OTC: variants seen among roughly 807,000 people sequenced by gnomAD.
OTC encodes the protein ornithine transcarbamylase, mitochondrial.
In OTC, 3 loss-of-function variants were observed where a neutral mutation model predicts 30.3. That is an observed-to-expected ratio of 0.10 (90% CI 0.05 to 0.26). The LOEUF is 0.26. Among genes scored for constraint, OTC ranks in the 10% least tolerant of loss-of-function variants. The pLI is 1.00. For missense variants in OTC, 194 were observed against 260.3 expected (o/e 0.75, Z 1.75); for synonymous variants, 111 against 99.7 (o/e 1.11, Z -0.67).
At chrX:38,410,303 T>C (rs1173461628) in intron 8 of OTC, among the ~76,000 whole-genome samples, 1 of 111,802 alleles carries the variant, frequency 8.9e-6, no homozygotes, top group Non-Finnish European at 1.9e-5. Flanking sequence ...GAGAGGAATT[T>C]TGGGGTGAAG....
intron 6 of OTC, among the ~76,000 whole-genome samples, chrX:38,407,335 G>A (rs1418105961): frequency 8.9e-6 from 1 of 112,432 alleles, no homozygotes; most frequent in Non-Finnish European, 1.9e-5. Context: ...GCTGAAAGCC[G>A]TCTTCTGGCA....
chrX:38,351,427 G>A (rs1470382528), upstream of OTC, among the ~76,000 whole-genome samples: 2 of 111,173 alleles, frequency 1.8e-5, no homozygotes, highest in African/African-American at 3.3e-5. Flanking sequence ...CCGCTTCTTC[G>A]AAGCCAGACA....
At chrX:38,363,846 C>G (rs1036645265) in intron 1 of OTC, among the ~76,000 whole-genome samples, 2 of 111,148 alleles carry the variant, frequency 1.8e-5, no homozygotes, top group Non-Finnish European at 3.8e-5. Flanking sequence ...GGTTCTTTGC[C>G]GGGCGTGGTG....
chrX:38,332,504 T>TATATATATATATATATA, the OTC span, among the ~76,000 whole-genome samples: 59 of 39,345 alleles, frequency 1.5e-3, no homozygotes, highest in African/African-American at 4.8e-3. Flanking sequence ...GCCCTAGATT[T>TATATATATATATATATA]TATATATATA....
chrX:38,333,147 G>A, the OTC span, among the ~76,000 whole-genome samples: 6 of 106,543 alleles, frequency 5.6e-5, no homozygotes, highest in Non-Finnish European at 9.7e-5. Context: ...CTCGGGAGGC[G>A]GAGGTTGGAG....
chrX:38,355,535 G>T (rs751433788), intron 1 of OTC, among the ~76,000 whole-genome samples: 13 of 112,214 alleles, frequency 1.2e-4, no homozygotes, highest in Non-Finnish European at 2.1e-4. Flanking sequence ...GGAGCCAGAG[G>T]TGACTAGTTT....
chrX:38,337,759 A>G, the OTC span, among the ~76,000 whole-genome samples: 1 of 111,433 alleles, frequency 9.0e-6, no homozygotes, highest in African/African-American at 3.3e-5. Context: ...AATTTTTTCC[A>G]TTATAAACTA....
intron 1 of OTC, 90 bp from the exon 2 acceptor site, chrX:38,367,201 A>T: frequency 1.3e-6 from 1 of 759,150 alleles, no homozygotes; most frequent in Non-Finnish European, 1.9e-6. Context: ...AAAGAAAAGA[A>T]TGCCTTATCA....
At chrX:38,391,110 A>G (rs1355463557) in intron 4 of OTC, among the ~76,000 whole-genome samples, 5 of 110,717 alleles carry the variant, frequency 4.5e-5, no homozygotes, top group African/African-American at 1.6e-4. Context: ...CCCTGCATAA[A>G]TCATCCCATC....
upstream of OTC, among the ~76,000 whole-genome samples, chrX:38,348,049 C>G (rs760931830): frequency 8.9e-6 from 1 of 112,281 alleles, no homozygotes; most frequent in Non-Finnish European, 1.9e-5. Context: ...GAATTTTATT[C>G]TCAGTAATAG....
rs974781638 is a variant in OTC, at chrX:38,420,929, C to G, written c.1006-94C>G. 3.4e-5 allele frequency: 21 copies of G among 611,385 alleles called. No individual in the cohort carries two copies. The African/African-American group carries it at 4.4e-4, about 13-fold the overall frequency. The allele number at this position is 611,385 out of a possible 1,213,427, so 50.4% of individuals were successfully genotyped here. On this transcript the variant is annotated intron_variant, in intron 9 of 9. Transcript: ENST00000039007. ...GAGAAAACACATTTTAACTGTAACC[C>G]TGCAAAGCTGAAACCTAATTCACCT...
chrX:38,415,624 A>AG (rs1194749369), intron 9 of OTC, among the ~76,000 whole-genome samples: 3 of 110,621 alleles, frequency 2.7e-5, no homozygotes, highest in African/African-American at 9.9e-5. Flanking sequence ...AGGCTGAGAC[A>AG]GGGGGATTAC....
intron 3 of OTC, among the ~76,000 whole-genome samples, chrX:38,379,943 G>A (rs2068367709): frequency 1.8e-5 from 2 of 112,018 alleles, no homozygotes; most frequent in Admixed American, 1.9e-4. Flanking sequence ...TTAGCATAAT[G>A]AGCATACCAA....
At chrX:38,340,479 T>G in the OTC span, among the ~76,000 whole-genome samples, 24 of 104,586 alleles carry the variant, frequency 2.3e-4, no homozygotes, top group African/African-American at 7.3e-4. Flanking sequence ...TTTTGTTTTT[T>G]TTTTTTTTTG....
the OTC span, among the ~76,000 whole-genome samples, chrX:38,341,962 TTTA>T: frequency 3.7e-5 from 4 of 108,784 alleles, no homozygotes; most frequent in African/African-American, 1.3e-4. Context: ...TTTGTCTTTT[TTTA>T]TTCTTTATTT....
At chrX:38,387,909 C>G in intron 4 of OTC, among the ~76,000 whole-genome samples, 1 of 111,188 alleles carries the variant, frequency 9.0e-6, no homozygotes, top group Admixed American at 9.6e-5. Flanking sequence ...AGCAGGTGTT[C>G]AGCATAAAAC....
At chrX:38,331,533 G>A in the OTC span, among the ~76,000 whole-genome samples, 4 of 101,869 alleles carry the variant, frequency 3.9e-5, no homozygotes, top group Admixed American at 1.1e-4. Flanking sequence ...ATCCGCCCAC[G>A]TCGGCCTCCC....
the OTC span, among the ~76,000 whole-genome samples, chrX:38,347,246 T>C: frequency 1.8e-5 from 2 of 112,325 alleles, no homozygotes; most frequent in African/African-American, 3.2e-5. Context: ...ACATTTGCTA[T>C]TTCACATAAT....
intron 4 of OTC, among the ~76,000 whole-genome samples, chrX:38,388,674 AT>A (rs2068416632): frequency 9.0e-6 from 1 of 111,678 alleles, no homozygotes; most frequent in East Asian, 2.8e-4. Context: ...CTTCCCAGTC[AT>A]TTGTCTTCTA....
Sources: allele counts gnomAD v4.1 joint callset (sites outside exome capture counted in the v4.1 genomes callset), GRCh38; gene constraint gnomAD v4.1.1; transcripts MANE v1.5; gene names NCBI Gene and HGNC (gene_info 2026-07-23, HGNC 2026-07-21).